The following PSD3 variants were observed in gnomAD, a reference collection of about 807,000 sequenced individuals.
PSD3 encodes PH and SEC7 domain-containing protein 3.
A neutral mutation model predicts 105.5 loss-of-function variants in PSD3; 49 were observed. That is an observed-to-expected ratio of 0.46 (90% CI 0.37 to 0.59). The LOEUF (loss-of-function observed/expected upper bound fraction) is 0.59, where lower values mean the gene tolerates loss of function less well. Among genes scored for constraint, PSD3 ranks in the 20% least tolerant of loss-of-function variants. The pLI, the probability that PSD3 is intolerant of heterozygous loss-of-function variation, is 0.00. For missense variants in PSD3, 1,561 were observed against 1,263.8 expected (o/e 1.24, Z -3.57); for synonymous variants, 557 against 457.8 (o/e 1.22, Z -2.77).
chr8:18,823,656 T>C (rs921592132), intron 4 of PSD3, among the ~76,000 whole-genome samples: 3 of 152,154 alleles, frequency 2.0e-5, no homozygotes, highest in Non-Finnish European at 2.9e-5. Context: ...CCATAGCAAC[T>C]AAAATACTTG....
chr8:18,986,597 T>A (rs1825506298), intron 1 of PSD3, among the ~76,000 whole-genome samples: 1 of 150,382 alleles, frequency 6.6e-6, no homozygotes, highest in Non-Finnish European at 1.5e-5. Flanking sequence ...AAAAAAAAAA[T>A]CTCACAAGCA....
intron 13 of PSD3, among the ~76,000 whole-genome samples, chr8:18,573,005 T>G (rs1450458636): frequency 6.6e-6 from 1 of 152,206 alleles, no homozygotes; most frequent in Non-Finnish European, 1.5e-5. Context: ...ACTCATCTCT[T>G]CTAATTGTAC....
At chr8:19,078,371 A>T (rs918363559) in intron 1 of PSD3, among the ~76,000 whole-genome samples, 5 of 152,228 alleles carry the variant, frequency 3.3e-5, no homozygotes, top group Admixed American at 6.5e-5. Context: ...GTATAATTTT[A>T]TAGTACATTT....
At chr8:18,734,035 G>C (rs1011674291) in intron 9 of PSD3, 3 of 152,096 alleles carry the variant, frequency 2.0e-5, no homozygotes, top group Non-Finnish European at 4.4e-5. Context: ...ATATCCACAG[G>C]TATTAAAGTC....
At chr8:18,556,382 T>TC (rs1563318576) in intron 14 of PSD3, 30 bp from the exon 15 acceptor site, 1 of 1,563,890 alleles carries the variant, frequency 6.4e-7, no homozygotes, top group South Asian at 1.2e-5. Context: ...CATTTAGCGT[T>TC]CAAAAAAAAA....
intron 1 of PSD3, among the ~76,000 whole-genome samples, chr8:19,075,927 T>C (rs1261895255): frequency 6.6e-6 from 1 of 152,228 alleles, no homozygotes; most frequent in Non-Finnish European, 1.5e-5. Context: ...ACAATGTAAT[T>C]CCTGCACTCA....
chr8:18,945,873 C>G (rs1351643109), intron 1 of PSD3, among the ~76,000 whole-genome samples: 2 of 152,140 alleles, frequency 1.3e-5, no homozygotes, highest in African/African-American at 4.8e-5. Flanking sequence ...TCTCAGGAGG[C>G]TGAGACAGGA....
intron 12 of PSD3, among the ~76,000 whole-genome samples, chr8:18,582,695 C>G (rs1367702919): frequency 6.6e-6 from 1 of 152,144 alleles, no homozygotes; most frequent in African/African-American, 2.4e-5. Context: ...AAACTAAACT[C>G]TCCAAGTAGA....
At chr8:18,566,754 A>G (rs1198684977) in intron 14 of PSD3, among the ~76,000 whole-genome samples, 1 of 152,016 alleles carries the variant, frequency 6.6e-6, no homozygotes, top group Non-Finnish European at 1.5e-5. Context: ...CTTATTTAAA[A>G]TCTTCAATCC....
At chr8:18,647,406 C>T (rs1020092503) in intron 10 of PSD3, among the ~76,000 whole-genome samples, 4 of 152,120 alleles carry the variant, frequency 2.6e-5, no homozygotes, top group African/African-American at 9.7e-5. Context: ...ATGTTTTAAA[C>T]TGTTATTGTT....
At chr8:18,956,019 C>T (rs775012841) in intron 1 of PSD3, among the ~76,000 whole-genome samples, 3 of 152,106 alleles carry the variant, frequency 2.0e-5, no homozygotes, top group Non-Finnish European at 4.4e-5. Context: ...CCACCTGCCT[C>T]AGCCTCCCAA....
chr8:19,013,572 C>A lies in PSD3; in HGVS notation c.12G>T (p.Arg4Ser). Residue 4 changes from arginine to serine, a missense_variant, in exon 1 of 16, where the codon AGG becomes AGT. Physicochemically the swap from Arg to Ser is moderately radical, Grantham distance 110. Coordinates refer to ENST00000327040, the MANE Select transcript of PSD3 (RefSeq NM_015310.4). The stretch of plus-strand genomic sequence containing the variant: ...CGGCCCCGGAGCTCACCGCTGCGCT[C>A]CTTCCTTCCATCTTCCATCGCCAGC... MEG[R>S]SAAAETFVWV... 3 of 1,546,662 alleles carry A rather than the reference C, an allele frequency of 1.9e-6. No individual in the cohort carries two copies. Among genetic ancestry groups the A allele is most frequent in the South Asian group, 2.3e-5 (2 of 86,330 alleles).
intron 15 of PSD3, among the ~76,000 whole-genome samples, chr8:18,552,126 G>A (rs1800806138): frequency 6.6e-6 from 1 of 152,200 alleles, no homozygotes; most frequent in African/African-American, 2.4e-5. Flanking sequence ...CATTGGCATT[G>A]CGTCGGCTGG....
intron 14 of PSD3, among the ~76,000 whole-genome samples, chr8:18,565,606 C>T (rs1164246607): frequency 6.6e-6 from 1 of 152,160 alleles, no homozygotes; most frequent in East Asian, 1.9e-4. Flanking sequence ...TAATTTTTCC[C>T]CACACTGTTT....
chr8:18,752,369 G>T (rs1805562610), intron 9 of PSD3, among the ~76,000 whole-genome samples: 1 of 145,254 alleles, frequency 6.9e-6, no homozygotes, highest in Admixed American at 7.3e-5. Flanking sequence ...CAACAGGAGG[G>T]TCTCTTGTCC....
At chr8:18,629,567 A>C (rs1187814114) in intron 11 of PSD3, among the ~76,000 whole-genome samples, 2 of 151,988 alleles carry the variant, frequency 1.3e-5, no homozygotes, top group African/African-American at 2.4e-5. Context: ...ATATACATGA[A>C]TCTGCAAAGA....
chr8:18,681,397 A>G (rs12544260), intron 9 of PSD3, among the ~76,000 whole-genome samples: 2,597 of 148,462 alleles, frequency 0.017, 80 homozygotes, highest in East Asian at 0.071. Context: ...GCTTGAGCCC[A>G]GGAGTTGGAG....
chr8:18,591,946 C>T (rs1237763431), intron 12 of PSD3, among the ~76,000 whole-genome samples: 1 of 152,140 alleles, frequency 6.6e-6, no homozygotes, highest in African/African-American at 2.4e-5. Flanking sequence ...TGAGGGGCTT[C>T]TGCTGTAGCA....
intron 1 of PSD3, among the ~76,000 whole-genome samples, chr8:18,965,368 G>T (rs1168682875): frequency 6.6e-6 from 1 of 152,118 alleles, no homozygotes; most frequent in South Asian, 2.1e-4. Context: ...AAGGGAATAG[G>T]TTGCGCCCTT....
Sources: allele counts gnomAD v4.1 joint callset (sites outside exome capture counted in the v4.1 genomes callset), GRCh38; gene constraint gnomAD v4.1.1; transcripts MANE v1.5; gene names NCBI Gene and HGNC (gene_info 2026-07-23, HGNC 2026-07-21).